The following ZMAT4 variants were observed in gnomAD, a reference collection of about 807,000 sequenced individuals.
The protein encoded by ZMAT4 is zinc finger matrin-type protein 4.
A neutral mutation model predicts 28.7 loss-of-function variants in ZMAT4; 17 were observed. That is an observed-to-expected ratio of 0.59 (90% CI 0.41 to 0.89). The LOEUF is 0.89. Among genes scored for constraint, ZMAT4 ranks in the 40% least tolerant of loss-of-function variants. The probability of loss-of-function intolerance (pLI) is 0.00; values close to 1 mark genes in which losing one functional copy is unlikely to be tolerated. For missense variants in ZMAT4, 240 were observed against 283.8 expected, an observed-to-expected ratio of 0.85 and a Z score of 1.11; for synonymous variants, 117 against 109.2, an observed-to-expected ratio of 1.07 and a Z score of -0.44.
intron 5 of ZMAT4, among the ~76,000 whole-genome samples, chr8:40,602,983 C>T (rs1296860969): frequency 6.6e-6 from 1 of 152,128 alleles, no homozygotes; most frequent in East Asian, 1.9e-4. Context: ...AACTCTTTGT[C>T]CAAGCCAATG....
intron 3 of ZMAT4, among the ~76,000 whole-genome samples, chr8:40,737,638 T>C (rs1309062559): frequency 6.6e-6 from 1 of 152,246 alleles, no homozygotes; most frequent in Non-Finnish European, 1.5e-5. Flanking sequence ...CCCGTAGCCA[T>C]GTGAGCGGGA....
At chr8:40,712,077 C>T (rs1037801218) in intron 3 of ZMAT4, among the ~76,000 whole-genome samples, 10 of 152,068 alleles carry the variant, frequency 6.6e-5, no homozygotes, top group Non-Finnish European at 1.0e-4. Flanking sequence ...AAGGATGAAG[C>T]ACACACTAAA....
chr8:40,715,045 C>T (rs1225699329), intron 3 of ZMAT4, among the ~76,000 whole-genome samples: 2 of 24,436 alleles, frequency 8.2e-5, no homozygotes, highest in African/African-American at 7.0e-4. Flanking sequence ...GAGACTCTGT[C>T]TCAAAAAAAA....
intron 3 of ZMAT4, among the ~76,000 whole-genome samples, chr8:40,752,961 T>C (rs984691636): frequency 6.6e-6 from 1 of 152,152 alleles, no homozygotes; most frequent in Non-Finnish European, 1.5e-5. Context: ...TGTGCCATAG[T>C]GGTTTGCTGC....
intron 2 of ZMAT4, among the ~76,000 whole-genome samples, chr8:40,774,413 A>C (rs183924978): frequency 1.4e-3 from 212 of 152,242 alleles, no homozygotes; most frequent in Non-Finnish European, 2.4e-3. Flanking sequence ...GTGTACATAG[A>C]TAATAGGCAT....
rs1346963803 is a variant in ZMAT4, at chr8:40,530,922, T to A, written c.*1301A>T. 6.6e-6 allele frequency: 1 copy of A among 152,564 alleles called. No homozygotes were observed. Among genetic ancestry groups the A allele is most frequent in the Non-Finnish European group, 1.5e-5 (1 of 68,034 alleles). The allele number at this position is 152,564 out of a possible 1,614,324, so 9.5% of individuals were successfully genotyped here. Reference sequence around the variant, plus strand: ...CAACACTGTGCATTTCTGTGTCATTTTGTTTATTGCTCACTGAGTTGTTGC... The same window carrying A: ...CAACACTGTGCATTTCTGTGTCATTATGTTTATTGCTCACTGAGTTGTTGC... On this transcript the variant is annotated 3_prime_UTR_variant, in exon 7 of 7. Transcript: ENST00000297737.
At position 40,689,137 on chromosome 8, in the gene ZMAT4, C is replaced by T. The variant is rs533575637; in HGVS notation, c.349+8108G>A. 5.1e-4 allele frequency among the ~76,000 whole-genome samples: 78 copies of T among 152,326 alleles called. 1 individual carries two copies. The South Asian group carries it at 0.015, about 30-fold the overall frequency. On this transcript the variant is annotated intron_variant, in intron 4 of 6. Transcript: ENST00000297737. The stretch of plus-strand genomic sequence containing the variant: ...TTCTTTTCCATGGTCTAGGTTGAAA[C>T]GGAGGAGACTTGGCCCATGAAGAAA...
At position 40,875,450 on chromosome 8, in the gene ZMAT4, G is replaced by T. The variant is rs908849273; in HGVS notation, c.-5+22233C>A. Reference sequence around the variant, plus strand: ...TGAAAAGAAAGAGTTAATAAGCATGGGTGCAAAAGGAACTGACAGTCAATA... The same window carrying T: ...TGAAAAGAAAGAGTTAATAAGCATGTGTGCAAAAGGAACTGACAGTCAATA... On this transcript the variant is annotated intron_variant, in intron 1 of 6. Transcript: ENST00000297737. 6.6e-5 allele frequency among the ~76,000 whole-genome samples: 10 copies of T among 152,130 alleles called. No homozygotes were observed. The East Asian group carries it at 1.7e-3, about 26-fold the overall frequency.
intron 3 of ZMAT4, among the ~76,000 whole-genome samples, chr8:40,729,912 T>C (rs988018393): frequency 2.9e-4 from 44 of 152,312 alleles, no homozygotes; most frequent in African/African-American, 1.0e-3. Flanking sequence ...GAAGCCTCAG[T>C]ATTTAAAAAA....
In ZMAT4 at chr8:40,532,202, A is replaced by G; in HGVS notation, c.*21T>C. 6 of 1,594,508 alleles carry G rather than the reference A, an allele frequency of 3.8e-6. No homozygotes were observed. Among genetic ancestry groups the G allele is most frequent in the Non-Finnish European group, 5.1e-6 (6 of 1,170,318 alleles). On this transcript the variant is annotated 3_prime_UTR_variant, in exon 7 of 7. Coordinates refer to ENST00000297737, the MANE Select transcript of ZMAT4 (RefSeq NM_024645.3). ...AGAGAAATGCTAATGTTTTGTTCTT[A>G]TGTCTTGATTGATGCTTTCACTACT...
chr8:40,681,830 T>A (rs1809178634), intron 4 of ZMAT4, among the ~76,000 whole-genome samples: 2 of 151,986 alleles, frequency 1.3e-5, no homozygotes, highest in African/African-American at 4.8e-5. Flanking sequence ...TCTTAATAGA[T>A]GATAGATTAA....
At position 40,576,166 on chromosome 8, in the gene ZMAT4, A is replaced by G. The variant is rs188985866; in HGVS notation, c.674+4999T>C. ...AAAAAGATGAAGAAAGCCTGAAAAC[A>G]TATGGGAAACCATAACACAAATATT... On this transcript the variant is annotated intron_variant, in intron 6 of 6. Transcript: ENST00000297737. Among the ~76,000 whole-genome samples the G allele has an allele frequency of 2.6e-5, 4 of 152,288 alleles. No homozygotes were observed. In the East Asian group the frequency reaches 7.7e-4, roughly 29 times the overall value.
At chr8:40,808,074 A>G (rs997411028) in intron 2 of ZMAT4, among the ~76,000 whole-genome samples, 1 of 152,198 alleles carries the variant, frequency 6.6e-6, no homozygotes, top group South Asian at 2.1e-4. Context: ...GCATTATCAT[A>G]TAGCTTATTA....
At chr8:40,883,528 C>T (rs1018998852) in intron 1 of ZMAT4, among the ~76,000 whole-genome samples, 1 of 152,196 alleles carries the variant, frequency 6.6e-6, no homozygotes, top group Non-Finnish European at 1.5e-5. Flanking sequence ...TCCACCCTCC[C>T]ATTCAAATCA....
intron 6 of ZMAT4, among the ~76,000 whole-genome samples, chr8:40,560,249 C>T (rs945413135): frequency 6.6e-6 from 1 of 151,222 alleles, no homozygotes; most frequent in East Asian, 2.0e-4. Context: ...TACATTTTAT[C>T]TTAACTCATT....
At chr8:40,761,928 A>G (rs989482640) in intron 3 of ZMAT4, among the ~76,000 whole-genome samples, 1 of 152,216 alleles carries the variant, frequency 6.6e-6, no homozygotes, top group African/African-American at 2.4e-5. Context: ...AGTTTTAGAA[A>G]GTCTAAAGCA....
At chr8:40,581,993 C>T (rs528423733) in intron 5 of ZMAT4, among the ~76,000 whole-genome samples, 101 of 152,218 alleles carry the variant, frequency 6.6e-4, no homozygotes, top group Admixed American at 1.1e-3. Context: ...AAACATTTGC[C>T]GCAGAGCTGA....
chr8:40,836,989 C>T (rs1408733418), intron 1 of ZMAT4, among the ~76,000 whole-genome samples: 1 of 152,184 alleles, frequency 6.6e-6, no homozygotes, highest in African/African-American at 2.4e-5. Flanking sequence ...TAGATACATA[C>T]ATAGACAAAT....
At chr8:40,827,649 C>T (rs1488708838) in intron 1 of ZMAT4, among the ~76,000 whole-genome samples, 1 of 152,164 alleles carries the variant, frequency 6.6e-6, no homozygotes, top group African/African-American at 2.4e-5. Context: ...TGTGGTTTTT[C>T]AATGCCCCCA....
Sources: allele counts gnomAD v4.1 joint callset (sites outside exome capture counted in the v4.1 genomes callset), GRCh38; gene constraint gnomAD v4.1.1; transcripts MANE v1.5; gene names NCBI Gene and HGNC (gene_info 2026-07-23, HGNC 2026-07-21).